Variants in SLAMF9 observed in about 807,000 individuals in gnomAD.
SLAMF9 encodes the protein SLAM family member 9.
SLAMF9 carries 25 observed loss-of-function variants against 30.4 expected under a neutral mutation model. The observed-to-expected ratio is 0.82, with a 90% CI of 0.60 to 1.15. The LOEUF (loss-of-function observed/expected upper bound fraction) is 1.15. SLAMF9 is among the 50% of genes most tolerant of loss of function. The pLI is 0.00. For missense variants in SLAMF9, 344 were observed against 346.1 expected, an observed-to-expected ratio of 0.99 and a Z score of 0.05; for synonymous variants, 129 against 127.2, an observed-to-expected ratio of 1.01 and a Z score of -0.09.
At chr1:159,971,855 CA>C in the SLAMF9 span, among the ~76,000 whole-genome samples, 18 of 152,132 alleles carry the variant, frequency 1.2e-4, no homozygotes, top group African/African-American at 4.1e-4. Context: ...CCTGGACAAA[CA>C]GCTATTGTTT....
At chr1:159,953,027 C>T (rs1169832259) in intron 2 of SLAMF9, among the ~76,000 whole-genome samples, 1 of 152,196 alleles carries the variant, frequency 6.6e-6, no homozygotes, top group Non-Finnish European at 1.5e-5. Flanking sequence ...AACACAATTT[C>T]ACTGGAAGAG....
chr1:159,969,196 T>C, the SLAMF9 span, among the ~76,000 whole-genome samples: 1,648 of 149,712 alleles, frequency 0.011, 12 homozygotes, highest in South Asian at 0.033. Context: ...GGAGAGAAGT[T>C]TTCTATGATG....
At chr1:159,964,993 C>T in the SLAMF9 span, among the ~76,000 whole-genome samples, 3 of 152,194 alleles carry the variant, frequency 2.0e-5, no homozygotes, top group African/African-American at 7.2e-5. Context: ...CAGGCTCAAA[C>T]TCTAACTCAT....
At chr1:159,962,673 G>A in the SLAMF9 span, among the ~76,000 whole-genome samples, 9 of 152,236 alleles carry the variant, frequency 5.9e-5, no homozygotes, top group Non-Finnish European at 1.3e-4. Context: ...GAGACAAGCA[G>A]TTAAGGGAAG....
upstream of SLAMF9, among the ~76,000 whole-genome samples, chr1:159,955,857 C>T (rs568412503): frequency 1.1e-4 from 16 of 152,228 alleles, no homozygotes; most frequent in African/African-American, 3.9e-4. Context: ...GTGAGTAGTT[C>T]TTAAATTTCA....
chr1:159,957,905 G>A (rs1466457371), upstream of SLAMF9, among the ~76,000 whole-genome samples: 5 of 152,250 alleles, frequency 3.3e-5, no homozygotes, highest in African/African-American at 2.4e-5. Flanking sequence ...GCAGAAGCTG[G>A]AGTTCAGAGA....
the SLAMF9 span, among the ~76,000 whole-genome samples, chr1:159,977,305 T>C: frequency 2.6e-5 from 4 of 152,188 alleles, no homozygotes; most frequent in African/African-American, 9.7e-5. Context: ...AGGCAGAAGA[T>C]TAGAGAGAGA....
In SLAMF9 at chr1:159,951,554, A is replaced by T. The variant is rs938113472; in HGVS notation, c.*107T>A. Reference sequence around the variant, plus strand: ...TTCCCTCAGAAGTATGGCTCTCTGGATACCCACCCCTGAGCACCTCCTTCC... The same window carrying T: ...TTCCCTCAGAAGTATGGCTCTCTGGTTACCCACCCCTGAGCACCTCCTTCC... On this transcript the variant is annotated 3_prime_UTR_variant, in exon 4 of 4. Transcript: ENST00000368093. 1.3e-5 allele frequency: 13 copies of T among 1,021,008 alleles called. 1 individual carries two copies. In the African/African-American group the frequency reaches 1.4e-4, roughly 11 times the overall value. The allele number at this position is 1,021,008 out of a possible 1,614,324, so 63.2% of individuals were successfully genotyped here.
chr1:159,975,264 A>T, the SLAMF9 span, among the ~76,000 whole-genome samples: 6 of 152,222 alleles, frequency 3.9e-5, no homozygotes, highest in Non-Finnish European at 8.8e-5. Context: ...AAGCGAAAAA[A>T]GAGATAAAGT....
upstream of SLAMF9, among the ~76,000 whole-genome samples, chr1:159,956,684 A>C (rs1651928574): frequency 6.6e-6 from 1 of 150,506 alleles, no homozygotes; most frequent in Non-Finnish European, 1.5e-5. Flanking sequence ...AAAACAAAAC[A>C]AAACAACAAC....
chr1:159,951,906 G>A (rs761422130), intron 3 of SLAMF9, 40 bp from the exon 4 acceptor site: 2 of 1,587,724 alleles, frequency 1.3e-6, no homozygotes, highest in East Asian at 2.2e-5. Context: ...ATCAGTGGTA[G>A]GGTTGGGGTT....
chr1:159,966,160 A>G, the SLAMF9 span, among the ~76,000 whole-genome samples: 1 of 152,102 alleles, frequency 6.6e-6, no homozygotes, highest in South Asian at 2.1e-4. Context: ...TTCTTCTACA[A>G]ATTCAACTTT....
the SLAMF9 span, among the ~76,000 whole-genome samples, chr1:159,975,323 A>G: frequency 6.6e-6 from 1 of 152,168 alleles, no homozygotes; most frequent in African/African-American, 2.4e-5. Flanking sequence ...CCTGGGGAGG[A>G]GACCCAAAGA....
At chr1:159,975,876 T>C in the SLAMF9 span, among the ~76,000 whole-genome samples, 1 of 152,180 alleles carries the variant, frequency 6.6e-6, no homozygotes, top group Non-Finnish European at 1.5e-5. Flanking sequence ...CGCTGATCTG[T>C]AGGAAAATGT....
the SLAMF9 span, chr1:159,961,306 G>A: frequency 2.6e-5 from 4 of 152,278 alleles, no homozygotes; most frequent in African/African-American, 9.6e-5. Flanking sequence ...GATAATAAAA[G>A]GCCAAACCTT....
the SLAMF9 span, among the ~76,000 whole-genome samples, chr1:159,974,480 A>G: frequency 2.0e-5 from 3 of 152,156 alleles, no homozygotes; most frequent in Non-Finnish European, 4.4e-5. Flanking sequence ...GGCTGACCCA[A>G]TAGTCCCCAC....
At chr1:159,972,867 C>G in the SLAMF9 span, 1 of 979,136 alleles carries the variant, frequency 1.0e-6, no homozygotes, top group Non-Finnish European at 1.4e-6. Context: ...ATGGGAGGCT[C>G]AGCCTGACCA....
At chr1:159,977,550 C>T in the SLAMF9 span, among the ~76,000 whole-genome samples, 7 of 152,248 alleles carry the variant, frequency 4.6e-5, no homozygotes, top group Admixed American at 4.6e-4. Flanking sequence ...CAGCATCCTT[C>T]AGCTACTGCT....
chr1:159,980,237 T>G, the SLAMF9 span, among the ~76,000 whole-genome samples: 1 of 152,142 alleles, frequency 6.6e-6, no homozygotes, highest in Non-Finnish European at 1.5e-5. Context: ...GGCTGTGCAC[T>G]TGGACCTGCT....
Sources: allele counts gnomAD v4.1 joint callset (sites outside exome capture counted in the v4.1 genomes callset), GRCh38; gene constraint gnomAD v4.1.1; transcripts MANE v1.5; gene names NCBI Gene and HGNC (gene_info 2026-07-23, HGNC 2026-07-21).